RBM19: variants seen among roughly 807,000 people sequenced by gnomAD.
The protein encoded by RBM19 is probable RNA-binding protein 19.
A neutral mutation model predicts 116.8 loss-of-function variants in RBM19; 94 were observed. The observed-to-expected ratio is 0.80, with a 90% CI of 0.68 to 0.95. The LOEUF (loss-of-function observed/expected upper bound fraction) is 0.95, where lower values mean the gene tolerates loss of function less well. RBM19 is among the 40% of genes least tolerant of loss of function. The pLI is 0.00. For synonymous variants in RBM19, 475 were observed against 494.1 expected, an observed-to-expected ratio of 0.96 and a Z score of 0.51; for missense variants, 1,161 against 1,220.7, an observed-to-expected ratio of 0.95 and a Z score of 0.73.
intron 21 of RBM19, among the ~76,000 whole-genome samples, chr12:113,886,721 CTCTTG>C (rs1338867289): frequency 6.6e-6 from 1 of 152,100 alleles, no homozygotes; most frequent in Non-Finnish European, 1.5e-5. Context: ...CAAAGATTTG[CTCTTG>C]TCTTGCATGA....
chr12:113,848,219 C>CT (rs1301012660), intron 22 of RBM19, among the ~76,000 whole-genome samples: 1 of 152,186 alleles, frequency 6.6e-6, no homozygotes, highest in African/African-American at 2.4e-5. Context: ...TATGCCTCCA[C>CT]TTTTCATTAT....
intron 21 of RBM19, among the ~76,000 whole-genome samples, chr12:113,897,216 T>C (rs1034443863): frequency 6.6e-6 from 1 of 152,288 alleles, no homozygotes; most frequent in Admixed American, 6.5e-5. Context: ...TCGCCCAGGC[T>C]GGAGTGCACT....
rs78713941 is a variant in RBM19, at chr12:113,836,018, A to T, written c.2785+8650T>A. ...TACTGTGGCCTGCCGCGGCCCTGAA[A>T]GCTTCTCGATGCCGTGACCCTGCTG... On this transcript the variant is annotated intron_variant, in intron 23 of 23. Coordinates refer to ENST00000261741, the MANE Select transcript of RBM19 (RefSeq NM_016196.4). 7.2e-4 allele frequency among the ~76,000 whole-genome samples: 109 copies of T among 152,310 alleles called. No individual in the cohort carries two copies. The East Asian group carries it at 0.019, about 26-fold the overall frequency.
rs117187976 is a variant in RBM19 at position 113,884,081 on chromosome 12, C to T, written c.2559-25185G>A. 2.0e-3 allele frequency among the ~76,000 whole-genome samples: 302 copies of T among 147,368 alleles called. 14 individuals are homozygous for T. In the East Asian group the frequency reaches 0.06, roughly 29 times the overall value. On this transcript the variant is annotated intron_variant, in intron 21 of 23. Coordinates refer to ENST00000261741, the MANE Select transcript of RBM19 (RefSeq NM_016196.4). The stretch of plus-strand genomic sequence containing the variant: ...CTTGAACCCAGGAGTTCAAGACCAG[C>T]CCAGGCAACATAGGGATACTCCATC...
intron 21 of RBM19, among the ~76,000 whole-genome samples, chr12:113,872,606 C>G (rs1338709334): frequency 7.5e-4 from 74 of 98,382 alleles, no homozygotes; most frequent in African/African-American, 2.7e-3. Flanking sequence ...CCAGCCGCCC[C>G]GTCCGGGAGG....
rs376115311 is a variant in RBM19 at position 113,835,583 on chromosome 12, C to T, written c.2785+9085G>A. 3.7e-4 allele frequency among the ~76,000 whole-genome samples: 57 copies of T among 152,322 alleles called. 1 individual carries two copies. Among genetic ancestry groups the T allele is most frequent in the African/African-American group, 1.2e-3 (50 of 41,562 alleles). On this transcript the variant is annotated intron_variant, in intron 23 of 23. Coordinates refer to ENST00000261741, the MANE Select transcript of RBM19 (RefSeq NM_016196.4). ...CGGGACCAGGGCTCTAGCAAGCAGG[C>T]TCCTTCCCTGCTCCTCGCGAGGCTG...
In RBM19 at chr12:113,959,747, C is replaced by T. The variant is rs1429562082; in HGVS notation, c.378+118G>A. On this transcript the variant is annotated intron_variant, in intron 4 of 23. Transcript: ENST00000261741. The stretch of plus-strand genomic sequence containing the variant: ...TCTTCCCTTTCCTAGCCTCCACCCT[C>T]TCCAGCCTCTACGGTCTCCTAGCCT... 7.1e-6 allele frequency: 9 copies of T among 1,269,594 alleles called. No homozygotes were observed. In the East Asian group the frequency reaches 2.3e-4, roughly 32 times the overall value. 78.6% of individuals were successfully genotyped at this position (1,269,594 alleles called of 1,614,324 possible).
intron 21 of RBM19, among the ~76,000 whole-genome samples, chr12:113,897,794 G>A (rs1354567282): frequency 2.0e-5 from 3 of 152,218 alleles, no homozygotes; most frequent in Non-Finnish European, 2.9e-5. Context: ...GCTGAGGCTT[G>A]ACTGTGCACA....
chr12:113,939,846 A>G lies in RBM19; in HGVS notation c.1938+114T>C. 3.5e-6 allele frequency: 4 copies of G among 1,140,782 alleles called. No homozygotes were observed. In the South Asian group the frequency reaches 5.7e-5, roughly 16 times the overall value. 70.7% of individuals were successfully genotyped at this position (1,140,782 alleles called of 1,614,324 possible). On this transcript the variant is annotated intron_variant, in intron 15 of 23. Coordinates refer to ENST00000261741, the MANE Select transcript of RBM19 (RefSeq NM_016196.4). ...CAGCCATGATCGTGACGGGCGGTTT[A>G]GGGTGAGCTCCCATGTGCCACATCT...
In RBM19 at chr12:113,867,282, A is replaced by G. The variant is rs1373805242; in HGVS notation, c.2559-8386T>C. On this transcript the variant is annotated intron_variant, in intron 21 of 23. Transcript: ENST00000261741. ...ATTGAATCATCCCTCGCCAATCTCC[A>G]GCACCGAAATCACAATTTGAAGCTT... is the stretch of plus-strand genomic sequence containing the variant. 2.6e-5 allele frequency among the ~76,000 whole-genome samples: 4 copies of G among 152,312 alleles called. No homozygotes were observed. In the East Asian group the frequency reaches 7.7e-4, roughly 29 times the overall value.
At chr12:113,894,850 GACGACACTAAGGCC>G (rs1881212305) in intron 21 of RBM19, among the ~76,000 whole-genome samples, 2 of 152,212 alleles carry the variant, frequency 1.3e-5, no homozygotes, top group African/African-American at 2.4e-5. Context: ...ACCCTTGTGC[GACGACACTAAGGCC>G]ACGACTGGGA....
intron 21 of RBM19, among the ~76,000 whole-genome samples, chr12:113,878,847 G>C (rs578121894): frequency 1.4e-4 from 21 of 151,448 alleles, no homozygotes; most frequent in Admixed American, 1.2e-3. Flanking sequence ...AAAAAAAGGG[G>C]GGGGTGGTGA....
chr12:113,897,293 C>A (rs1414990059), intron 21 of RBM19, among the ~76,000 whole-genome samples: 1 of 152,210 alleles, frequency 6.6e-6, no homozygotes, highest in East Asian at 1.9e-4. Context: ...CTCAGCCTCC[C>A]AAGCTGGGAT....
chr12:113,926,891 T>C (rs879584044), intron 17 of RBM19, among the ~76,000 whole-genome samples, 163 bp downstream of exon 17: 7 of 152,246 alleles, frequency 4.6e-5, no homozygotes, highest in Non-Finnish European at 8.8e-5. Context: ...AGTCATCTAC[T>C]GGACACCCCA....
intron 21 of RBM19, among the ~76,000 whole-genome samples, chr12:113,913,430 C>G (rs1051542568): frequency 6.6e-6 from 1 of 152,162 alleles, no homozygotes; most frequent in African/African-American, 2.4e-5. Flanking sequence ...TGCAGGATAC[C>G]CGGAGATCAT....
At chr12:113,881,219 C>G (rs1880098486) in intron 21 of RBM19, among the ~76,000 whole-genome samples, 1 of 152,172 alleles carries the variant, frequency 6.6e-6, no homozygotes, top group South Asian at 2.1e-4. Flanking sequence ...TGCAGAAGCA[C>G]AGACAGGTAC....
chr12:113,840,647 C>T (rs978307593), intron 23 of RBM19, among the ~76,000 whole-genome samples: 3 of 152,216 alleles, frequency 2.0e-5, no homozygotes, highest in South Asian at 2.1e-4. Flanking sequence ...GGAGAGCAGA[C>T]GGCTGCAGGA....
At chr12:113,828,707 G>A (rs1045342719) in intron 23 of RBM19, among the ~76,000 whole-genome samples, 3 of 152,154 alleles carry the variant, frequency 2.0e-5, no homozygotes, top group Non-Finnish European at 2.9e-5. Flanking sequence ...CTGGGCACCC[G>A]GGGGCTGGCC....
intron 21 of RBM19, among the ~76,000 whole-genome samples, chr12:113,870,073 G>A (rs1879108894): frequency 1.3e-5 from 2 of 152,200 alleles, no homozygotes; most frequent in Admixed American, 1.3e-4. Context: ...GATCCTGGAA[G>A]GCTGAGGGTG....
Sources: allele counts gnomAD v4.1 joint callset (sites outside exome capture counted in the v4.1 genomes callset), GRCh38; gene constraint gnomAD v4.1.1; transcripts MANE v1.5; gene names NCBI Gene and HGNC (gene_info 2026-07-23, HGNC 2026-07-21).